Variants in DLD observed in about 807,000 individuals in gnomAD.
DLD encodes the protein dihydrolipoyl dehydrogenase, mitochondrial.
A neutral mutation model predicts 62.2 loss-of-function variants in DLD; 36 were observed. The ratio of observed to expected loss-of-function variants is 0.58; its 90% CI spans 0.44 to 0.76. The LOEUF (loss-of-function observed/expected upper bound fraction) is 0.76, where lower values mean the gene tolerates loss of function less well. DLD is among the 30% of genes least tolerant of loss of function. The probability of loss-of-function intolerance (pLI) is 0.00; values close to 1 mark genes in which losing one functional copy is unlikely to be tolerated. For missense variants in DLD, 541 were observed against 608.6 expected, an observed-to-expected ratio of 0.89 and a Z score of 1.17; for synonymous variants, 204 against 199.6, an observed-to-expected ratio of 1.02 and a Z score of -0.19.
Position 107,919,663 on chromosome 7 carries a change from T to G in DLD, c.*404T>G, listed in dbSNP as rs2032360616. 1.7e-5 allele frequency: 3 copies of G among 175,758 alleles called. No homozygotes were observed. The highest frequency in any genetic ancestry group is 3.6e-5 in the Non-Finnish European group (3 of 82,760). The allele number at this position is 175,758 out of a possible 1,614,324, so 10.9% of individuals were successfully genotyped here. ...GTTTGAAGCACAGTGATCAAGTTAT[T>G]TTTAATTTGGTTTTCACATTGGAAA... is the stretch of plus-strand genomic sequence containing the variant. On this transcript the variant is annotated 3_prime_UTR_variant, in exon 14 of 14. Transcript: ENST00000205402.
rs376394631 is a variant in DLD at position 107,901,701 on chromosome 7, C to T, written c.119-37C>T. 5.2e-6 allele frequency: 8 copies of T among 1,539,186 alleles called. No individual in the cohort carries two copies. The African/African-American group carries it at 9.5e-5, about 18-fold the overall frequency. ...AGAGCTCTTTTTGGTAAATATTAAG[C>T]AATTTACTATTTTATATCAATTTGC... On this transcript the variant is annotated intron_variant, in intron 2 of 13. Coordinates refer to ENST00000205402, the MANE Select transcript of DLD (RefSeq NM_000108.5).
intron 2 of DLD, among the ~76,000 whole-genome samples, chr7:107,896,060 C>CTGCA (rs975880659): frequency 2.0e-5 from 3 of 152,172 alleles, no homozygotes; most frequent in African/African-American, 7.2e-5. Flanking sequence ...GAAGCTTAAA[C>CTGCA]TGCATGGTAT....
At chr7:107,894,323 A>G (rs1323755062) in intron 2 of DLD, among the ~76,000 whole-genome samples, 2 of 152,246 alleles carry the variant, frequency 1.3e-5, no homozygotes, top group Non-Finnish European at 2.9e-5. Context: ...TGTGACTATC[A>G]GTCTCCCTGC....
In DLD at chr7:107,917,260, A is replaced by T. The variant is rs1053911246; in HGVS notation, c.1047-13A>T. 1.9e-6 allele frequency: 3 copies of T among 1,613,872 alleles called. No homozygotes were observed. The Admixed American group carries it at 5.0e-5, about 27-fold the overall frequency. Reference sequence around the variant, plus strand: ...TCAGAAATTCATTGTGTTTCTTTTGATTTCTGTGGTAGTATCTATGCCATT... The same window carrying T: ...TCAGAAATTCATTGTGTTTCTTTTGTTTTCTGTGGTAGTATCTATGCCATT... On this transcript the variant is annotated splice_polypyrimidine_tract_variant and intron_variant, in intron 10 of 13. Coordinates refer to ENST00000205402, the MANE Select transcript of DLD (RefSeq NM_000108.5).
intron 8 of DLD, among the ~76,000 whole-genome samples, chr7:107,909,431 G>A (rs1162614045): frequency 6.6e-6 from 1 of 152,184 alleles, no homozygotes; most frequent in Admixed American, 6.5e-5. Context: ...AACATCGAAA[G>A]CCATCTGACA....
chr7:107,910,913 A>G (rs1266168819), intron 8 of DLD, among the ~76,000 whole-genome samples: 1 of 152,102 alleles, frequency 6.6e-6, no homozygotes, highest in Non-Finnish European at 1.5e-5. Flanking sequence ...CCACACTCCC[A>G]TTATTTCCCC....
intron 2 of DLD, 198 bp downstream of exon 2, chr7:107,893,476 G>A (rs192984139): frequency 4.6e-6 from 2 of 435,220 alleles, no homozygotes; most frequent in Non-Finnish European, 8.1e-6. Flanking sequence ...CTGCTCTTAT[G>A]AAACTTGTAA....
chr7:107,906,264 C>T lies in DLD; in HGVS notation c.583-3C>T, dbSNP rs186031819. Reference sequence around the variant, plus strand: ...TTGATTATATCTTTTGTTTTTCTTACAGATAGATGAAGATACAATAGTGTC... The same window carrying T: ...TTGATTATATCTTTTGTTTTTCTTATAGATAGATGAAGATACAATAGTGTC... On this transcript the variant is annotated splice_polypyrimidine_tract_variant and splice_region_variant and intron_variant, in intron 7 of 13. Coordinates refer to ENST00000205402, the MANE Select transcript of DLD (RefSeq NM_000108.5). 1.8e-4 allele frequency: 275 copies of T among 1,524,970 alleles called. No individual in the cohort carries two copies. In the African/African-American group the frequency reaches 2.9e-3, roughly 16 times the overall value. 94.5% of individuals were successfully genotyped at this position (1,524,970 alleles called of 1,614,324 possible). A position where few individuals can be genotyped will look rare whatever the true frequency, so the allele number is the denominator to read the frequency against.
chr7:107,910,384 A>G (rs1488262376), intron 8 of DLD, among the ~76,000 whole-genome samples: 1 of 152,204 alleles, frequency 6.6e-6, no homozygotes, highest in East Asian at 1.9e-4. Flanking sequence ...GAGTCTTTTG[A>G]CACAATGATT....
In DLD at chr7:107,904,957, G is replaced by T. The variant is rs1444821472; in HGVS notation, c.338-1G>T. 4 of 1,608,586 alleles carry T rather than the reference G, an allele frequency of 2.5e-6. No homozygotes were observed. The highest frequency in any genetic ancestry group is 3.4e-6 in the Non-Finnish European group (4 of 1,175,886). ...CTAAAGATTAATTGAACAAATTACA[G>T]TGTCCGAAGTTCGCTTGAATTTAGA... On this transcript the variant is annotated splice_acceptor_variant, in intron 5 of 13. Transcript: ENST00000205402. LOFTEE classifies it high-confidence loss of function.
At chr7:107,908,514 A>T (rs2032063703) in intron 8 of DLD, among the ~76,000 whole-genome samples, 1 of 151,888 alleles carries the variant, frequency 6.6e-6, no homozygotes, top group Non-Finnish European at 1.5e-5. Context: ...AAAAAATGTA[A>T]AAAATTAGTT....
intron 8 of DLD, among the ~76,000 whole-genome samples, chr7:107,909,782 G>C (rs2032094858): frequency 6.6e-6 from 1 of 150,914 alleles, no homozygotes; most frequent in Non-Finnish European, 1.5e-5. Flanking sequence ...TAAGTTCCCA[G>C]AGTTCACTGA....
chr7:107,918,609 G>A (rs2032327359), intron 12 of DLD, among the ~76,000 whole-genome samples: 2 of 152,220 alleles, frequency 1.3e-5, no homozygotes, highest in Admixed American at 1.3e-4. Flanking sequence ...TGAGCCTAAA[G>A]TATGTATCTT....
At chr7:107,917,076 G>C in intron 10 of DLD, 112 bp downstream of exon 10, 1 of 1,244,910 alleles carries the variant, frequency 8.0e-7, no homozygotes, top group Non-Finnish European at 1.1e-6. Context: ...GGGAAGAATA[G>C]TAAACTTACA....
At chr7:107,892,976 A>G (rs1339155150) in intron 1 of DLD, among the ~76,000 whole-genome samples, 1 of 152,224 alleles carries the variant, frequency 6.6e-6, no homozygotes, top group Non-Finnish European at 1.5e-5. Context: ...TTGACTATTG[A>G]TAATAAAAAG....
At chr7:107,905,668 C>A in intron 7 of DLD, 164 bp downstream of exon 7, 1 of 720,410 alleles carries the variant, frequency 1.4e-6, no homozygotes, top group East Asian at 2.7e-5. Context: ...TGCAGTGATT[C>A]TGACCAGCTA....
chr7:107,903,497 A>G lies in DLD; in HGVS notation c.287A>G (p.His96Arg), dbSNP rs1460299313. ...CTTTAGGCTTTATTGAACAACTCTCATTATTACCATATGGCCCATGGAAAA... is the reference window on the plus strand; with the variant it reads ...CTTTAGGCTTTATTGAACAACTCTCGTTATTACCATATGGCCCATGGAAAA... ...IPSKALLNNS[H>R]YYHMAHGKDF... The change falls in exon 5 of 14, where the codon CAT becomes CGT. Residue 96 changes from histidine (H) to arginine (R), a missense_variant. His to Arg is a conservative substitution (Grantham distance 29). Transcript: ENST00000205402. The G allele has an allele frequency of 2.5e-6, 4 of 1,591,846 alleles. No individual in the cohort carries two copies. Among genetic ancestry groups the G allele is most frequent in the Non-Finnish European group, 3.4e-6 (4 of 1,160,336 alleles).
rs755166916 is a variant in DLD, at chr7:107,917,966, A to G, written c.1279A>G (p.Ser427Gly). The part of the protein sequence containing the change: ...KVGKFPFAAN[S>G]RAKTNADTDG... ...TGGGAAATTCCCATTTGCTGCTAAC[A>G]GCAGAGCTAAGACAAATGCTGACAC... Residue 427 changes from serine (S) to glycine (G), a missense_variant, in exon 12 of 14, where the codon AGC becomes GGC. By Grantham distance (56) the Ser-to-Gly change is moderately conservative (BLOSUM62 0). Transcript: ENST00000205402. 4 of 1,614,024 alleles carry G rather than the reference A, an allele frequency of 2.5e-6. No homozygotes were observed. Among genetic ancestry groups the G allele is most frequent in the Middle Eastern group, 3.3e-4 (2 of 6,084 alleles).
intron 8 of DLD, among the ~76,000 whole-genome samples, chr7:107,910,863 C>A (rs1027328340): frequency 2.0e-5 from 3 of 152,158 alleles, no homozygotes; most frequent in African/African-American, 7.2e-5. Context: ...GCTCATCACT[C>A]CCTACTTTGA....
Sources: gnomAD v4.1 joint callset for allele counts (sites outside exome capture counted in the v4.1 genomes callset) on GRCh38, gnomAD v4.1.1 for gene constraint, MANE v1.5 for transcripts, NCBI Gene and HGNC (gene_info 2026-07-23, HGNC 2026-07-21) for gene names.